Variants in WDR83OS observed in about 807,000 individuals in gnomAD.
WDR83OS encodes the protein WD repeat domain 83 opposite strand.
A neutral mutation model predicts 13.7 loss-of-function variants in WDR83OS; 15 were observed. The observed-to-expected ratio is 1.09, with a 90% CI of 0.73 to 1.69. The LOEUF (loss-of-function observed/expected upper bound fraction) is 1.69. Ranked by LOEUF, WDR83OS falls within the 40% of genes most tolerant of loss-of-function variation. The pLI is 0.00. For missense variants in WDR83OS, 145 were observed against 143.2 expected, an observed-to-expected ratio of 1.01 and a Z score of -0.06; for synonymous variants, 68 against 52.9, an observed-to-expected ratio of 1.29 and a Z score of -1.24.
chr19:12,668,250 G>T lies in WDR83OS; in HGVS notation c.*109C>A. 8.6e-7 allele frequency: 1 copy of T among 1,163,476 alleles called. No homozygotes were observed. Among genetic ancestry groups the T allele is most frequent in the Non-Finnish European group, 1.2e-6 (1 of 811,124 alleles). The allele number at this position is 1,163,476 out of a possible 1,614,324, so 72.1% of individuals were successfully genotyped here. A position where few individuals can be genotyped will look rare whatever the true frequency, so the allele number is the denominator to read the frequency against. ...CTATCCAGCTGGGGGCACCGAGACG[G>T]CCTCATTCAGGGAAGTCCAGGATGG... is the stretch of plus-strand genomic sequence containing the variant. On this transcript the variant is annotated 3_prime_UTR_variant, in exon 4 of 4. Transcript: ENST00000596731.
At chr19:12,668,788 G>A (rs2024327954) in intron 2 of WDR83OS, among the ~76,000 whole-genome samples, 171 bp from the exon 3 acceptor site, 1 of 152,096 alleles carries the variant, frequency 6.6e-6, no homozygotes, top group Admixed American at 6.6e-5. Context: ...CTAGATACGT[G>A]GTTTCTAGTC....
chr19:12,668,597 G>C lies in WDR83OS; in HGVS notation c.177C>G (p.Val59=). ...AGCTGATGAAGGAGCAGTAGACAGC[G>C]ACCCAAGCACACCACTTCAGCTAGG... The part of the protein sequence containing the change: ...LMLKLKWCAW[V]AVYCSFISFA... The change falls in exon 3 of 4, where the codon GTC becomes GTG. Residue 59 remains valine (V), a synonymous_variant. Coordinates refer to ENST00000596731, the MANE Select transcript of WDR83OS (RefSeq NM_016145.4). 1 of 1,614,030 alleles carries C rather than the reference G, an allele frequency of 6.2e-7. No homozygotes were observed. The highest frequency in any genetic ancestry group is 8.5e-7 in the Non-Finnish European group (1 of 1,180,002).
At position 12,668,077 on chromosome 19, in the gene WDR83OS, G is replaced by A. The variant is rs1276227891; in HGVS notation, c.*282C>T. 1.8e-5 allele frequency: 7 copies of A among 385,738 alleles called. No individual in the cohort carries two copies. Among genetic ancestry groups the A allele is most frequent in the Non-Finnish European group, 2.9e-5 (6 of 204,660 alleles). The allele number at this position is 385,738 out of a possible 1,614,324, so 23.9% of individuals were successfully genotyped here. A position where few individuals can be genotyped will look rare whatever the true frequency, so the allele number is the denominator to read the frequency against. On this transcript the variant is annotated 3_prime_UTR_variant, in exon 4 of 4. Transcript: ENST00000596731. Reference sequence around the variant, plus strand: ...TGAACAGAAGAGGCTGACAGCCAGAGTGAAAAACTTTATTAACAACAGGTT... The same window carrying A: ...TGAACAGAAGAGGCTGACAGCCAGAATGAAAAACTTTATTAACAACAGGTT...
chr19:12,668,448 G>A (rs1457696568), intron 3 of WDR83OS, 23 bp from the exon 4 acceptor site: 6 of 1,613,308 alleles, frequency 3.7e-6, no homozygotes, highest in Non-Finnish European at 5.1e-6. Context: ...AGAGGTGTCA[G>A]TCTAGGATGG....
At chr19:12,669,296 C>T in intron 1 of WDR83OS, 58 bp downstream of exon 1, 1 of 1,606,420 alleles carries the variant, frequency 6.2e-7, no homozygotes, top group Non-Finnish European at 8.5e-7. Flanking sequence ...AGGCGCTTCC[C>T]AGGGCCCCGA....
chr19:12,668,444 G>A lies in WDR83OS; in HGVS notation c.255-19C>T. ...GGACAGCCTGAGACAGGAGAGAGGT[G>A]TCAGTCTAGGATGGCCAGGCTGGGG... On this transcript the variant is annotated intron_variant, in intron 3 of 3. Transcript: ENST00000596731. 6.2e-7 allele frequency: 1 copy of A among 1,613,396 alleles called. No individual in the cohort carries two copies. The highest frequency in any genetic ancestry group is 8.5e-7 in the Non-Finnish European group (1 of 1,179,724).
chr19:12,669,400 A>G lies in WDR83OS; in HGVS notation c.4T>C (p.Ser2Pro), dbSNP rs1292454763. 8.8e-6 allele frequency: 14 copies of G among 1,597,100 alleles called. No individual in the cohort carries two copies. ...CGTGGGTCCGACATATTGTTAGTGG[A>G]CATAGCGAGTCGAAGGCCAGATCAC... is the stretch of plus-strand genomic sequence containing the variant. MSTNNMSDPRRP... is the reference protein window; with the variant it reads MPTNNMSDPRRP... The change falls in exon 1 of 4, where the codon TCC becomes CCC. Residue 2 changes from serine to proline, a missense_variant. Coordinates refer to ENST00000596731, the MANE Select transcript of WDR83OS (RefSeq NM_016145.4).
At position 12,669,384 on chromosome 19, in the gene WDR83OS, G is replaced by A. The variant is rs1258880151; in HGVS notation, c.20C>T (p.Ser7Leu). 4 of 1,600,804 alleles carry A rather than the reference G, an allele frequency of 2.5e-6. No individual in the cohort carries two copies. The highest frequency in any genetic ancestry group is 1.7e-5 in the Admixed American group (1 of 58,018). The change falls in exon 1 of 4, where the codon TCG (serine) becomes TTG (leucine). Residue 7 changes from serine to leucine, a missense_variant. Physicochemically the swap from Ser to Leu is moderately radical, Grantham distance 145 (BLOSUM62 -2). Transcript: ENST00000596731. ...CACTTTGTTCGGCCTCCGTGGGTCC[G>A]ACATATTGTTAGTGGACATAGCGAG... MSTNNM[S>L]DPRRPNKVLR...
chr19:12,668,714 A>G, intron 2 of WDR83OS, 97 bp from the exon 3 acceptor site: 6 of 1,033,612 alleles, frequency 5.8e-6, no homozygotes, highest in Non-Finnish European at 8.8e-6. Flanking sequence ...CACTGATTCC[A>G]TCTGATGCAG....
chr19:12,668,503 T>C lies in WDR83OS; in HGVS notation c.254+17A>G, dbSNP rs374347148. 3.7e-6 allele frequency: 6 copies of C among 1,613,900 alleles called. No homozygotes were observed. The highest frequency in any genetic ancestry group is 4.2e-6 in the Non-Finnish European group (5 of 1,179,928). Reference sequence around the variant, plus strand: ...CCCCTTACTCAAGAGTCACTTGTTCTGTAGGGCAAGTCTCACATGAAGCTA... The same window carrying C: ...CCCCTTACTCAAGAGTCACTTGTTCCGTAGGGCAAGTCTCACATGAAGCTA... On this transcript the variant is annotated intron_variant, in intron 3 of 3. Coordinates refer to ENST00000596731, the MANE Select transcript of WDR83OS (RefSeq NM_016145.4).
In WDR83OS at chr19:12,668,218, G is replaced by T. The variant is rs137992994; in HGVS notation, c.*141C>A. On this transcript the variant is annotated 3_prime_UTR_variant, in exon 4 of 4. Transcript: ENST00000596731. ...AGGGTGTTCCCTAGGAAAGGGCCAG[G>T]TTCCCTCTATCCAGCTGGGGGCACC... The T allele has an allele frequency of 8.5e-5, 71 of 835,072 alleles. No homozygotes were observed. The highest frequency in any genetic ancestry group is 6.2e-5 in the Non-Finnish European group (33 of 533,186). The allele number at this position is 835,072 out of a possible 1,614,324, so 51.7% of individuals were successfully genotyped here. A position where few individuals can be genotyped will look rare whatever the true frequency, so the allele number is the denominator to read the frequency against.
rs2024326750 is a variant in WDR83OS, at chr19:12,668,729, G to A, written c.157-112C>T. 6 of 902,832 alleles carry A rather than the reference G, an allele frequency of 6.6e-6. No individual in the cohort carries two copies. The South Asian group carries it at 7.1e-5, about 11-fold the overall frequency. 55.9% of individuals were successfully genotyped at this position (902,832 alleles called of 1,614,324 possible). A position where few individuals can be genotyped will look rare whatever the true frequency, so the allele number is the denominator to read the frequency against. On this transcript the variant is annotated intron_variant, in intron 2 of 3. Coordinates refer to ENST00000596731, the MANE Select transcript of WDR83OS (RefSeq NM_016145.4). ...CACTGATTCCATCTGATGCAGCTGG[G>A]ACCTTGCCCCACCCGGAATTCCTCA... is the stretch of plus-strand genomic sequence containing the variant.
Position 12,668,347 on chromosome 19 carries a change from T to C in WDR83OS, c.*12A>G. The C allele has an allele frequency of 1.9e-6, 3 of 1,608,776 alleles. No individual in the cohort carries two copies. Among genetic ancestry groups the C allele is most frequent in the Non-Finnish European group, 2.5e-6 (3 of 1,178,090 alleles). On this transcript the variant is annotated 3_prime_UTR_variant, in exon 4 of 4. Coordinates refer to ENST00000596731, the MANE Select transcript of WDR83OS (RefSeq NM_016145.4). ...TAGACAGGGTCCAAAATGTGACCCT[T>C]CTAGGCTGGTATCACCATGGGGGCG...
At chr19:12,669,103 C>T (rs1402671798) in intron 2 of WDR83OS, 25 bp downstream of exon 2, 1 of 1,611,346 alleles carries the variant, frequency 6.2e-7, no homozygotes, top group South Asian at 1.1e-5. Context: ...TCCAACTACA[C>T]CCATAGAAGC....
At chr19:12,669,327 C>T (rs774840625) in intron 1 of WDR83OS, 27 bp downstream of exon 1, 41 of 1,605,566 alleles carry the variant, frequency 2.6e-5, no homozygotes, top group Non-Finnish European at 3.4e-5. Context: ...CAACCCGAAC[C>T]CGTGCCCACG....
At chr19:12,668,762 C>G (rs1286520645) in intron 2 of WDR83OS, 145 bp from the exon 3 acceptor site, 1 of 701,340 alleles carries the variant, frequency 1.4e-6, no homozygotes, top group African/African-American at 1.8e-5. Flanking sequence ...TCAGTCCCAC[C>G]TGCTCATGGC....
chr19:12,668,739 C>T, intron 2 of WDR83OS, 122 bp from the exon 3 acceptor site: 1 of 824,598 alleles, frequency 1.2e-6, no homozygotes. Context: ...GACCTTGCCC[C>T]ACCCGGAATT....
At position 12,668,126 on chromosome 19, in the gene WDR83OS, C is replaced by G. The variant is rs1003915148; in HGVS notation, c.*233G>C. The G allele has an allele frequency of 5.7e-6, 3 of 528,526 alleles. No homozygotes were observed. In the African/African-American group the frequency reaches 5.8e-5, roughly 10 times the overall value. The allele number at this position is 528,526 out of a possible 1,614,324, so 32.7% of individuals were successfully genotyped here. ...TTTCAACGAGAAAGCAAATGAATAC[C>G]CCTAGAAACATGGACAGCATCTCCC... On this transcript the variant is annotated 3_prime_UTR_variant, in exon 4 of 4. Coordinates refer to ENST00000596731, the MANE Select transcript of WDR83OS (RefSeq NM_016145.4).
In WDR83OS at chr19:12,668,330, G is replaced by T. The variant is rs752485735; in HGVS notation, c.*29C>A. 6.3e-7 allele frequency: 1 copy of T among 1,597,922 alleles called. No homozygotes were observed. The highest frequency in any genetic ancestry group is 8.5e-7 in the Non-Finnish European group (1 of 1,172,878). On this transcript the variant is annotated 3_prime_UTR_variant, in exon 4 of 4. Transcript: ENST00000596731. Reference sequence around the variant, plus strand: ...AGCCCAGGCCTAGTGGATAGACAGGGTCCAAAATGTGACCCTTCTAGGCTG... The same window carrying T: ...AGCCCAGGCCTAGTGGATAGACAGGTTCCAAAATGTGACCCTTCTAGGCTG...
Sources: gnomAD v4.1 joint callset for allele counts (sites outside exome capture counted in the v4.1 genomes callset) on GRCh38, gnomAD v4.1.1 for gene constraint, MANE v1.5 for transcripts, NCBI Gene and HGNC (gene_info 2026-07-23, HGNC 2026-07-21) for gene names.